KANK1: variants seen among roughly 807,000 people sequenced by gnomAD.
The protein encoded by KANK1 is KN motif and ankyrin repeat domains 1, also known as KN motif and ankyrin repeat domain-containing protein 1.
Under a neutral mutation model 106.2 loss-of-function variants are expected in KANK1, and 109 were observed. The observed-to-expected ratio is 1.03, with a 90% CI of 0.88 to 1.20. The LOEUF (loss-of-function observed/expected upper bound fraction) is 1.20. Among genes scored for constraint, KANK1 ranks in the 50% most tolerant of loss-of-function variants. The pLI is 0.00. For synonymous variants in KANK1, 873 were observed against 652.2 expected (o/e 1.34, Z -5.16); for missense variants, 2,399 against 1,710.7 (o/e 1.40, Z -7.10).
intron 1 of KANK1, among the ~76,000 whole-genome samples, chr9:573,660 A>C (rs990459921): frequency 2.6e-5 from 4 of 152,094 alleles, no homozygotes; most frequent in African/African-American, 9.7e-5. Flanking sequence ...AGTCGCGGGC[A>C]TTTTATTTTT....
intron 1 of KANK1, among the ~76,000 whole-genome samples, chr9:580,988 C>T (rs993663825): frequency 2.0e-5 from 3 of 152,038 alleles, no homozygotes; most frequent in South Asian, 2.1e-4. Context: ...GGGAACCCAG[C>T]GCACCCTCCG....
At chr9:608,670 C>G (rs917441818) in intron 1 of KANK1, among the ~76,000 whole-genome samples, 2 of 152,126 alleles carry the variant, frequency 1.3e-5, no homozygotes, top group Admixed American at 6.5e-5. Flanking sequence ...TTCATCAAGT[C>G]AGGGAGATAA....
chr9:711,614 C>G lies in KANK1; in HGVS notation c.848C>G (p.Thr283Ser). Residue 283 changes from threonine (T) to serine (S), a missense_variant, in exon 3 of 12, where the codon ACC becomes AGC. Coordinates refer to ENST00000382297, the MANE Select transcript of KANK1 (RefSeq NM_015158.5). ...AAGGAGCTGGAGGAGCAGGTGCGAA[C>G]CATCCCTGTGCTCCAGGTAAAGATC... Reference protein sequence around the residue: ...RLKELEEQVRTIPVLQVKISV... With the variant: ...RLKELEEQVRSIPVLQVKISV... 1 of 1,614,040 alleles carries G rather than the reference C, an allele frequency of 6.2e-7. No homozygotes were observed. Among genetic ancestry groups the G allele is most frequent in the Non-Finnish European group, 8.5e-7 (1 of 1,179,996 alleles).
At chr9:573,364 G>C (rs1403046172) in intron 1 of KANK1, among the ~76,000 whole-genome samples, 1 of 152,088 alleles carries the variant, frequency 6.6e-6, no homozygotes, top group Non-Finnish European at 1.5e-5. Context: ...CCACCTCCTG[G>C]GTTCACGCCA....
intron 2 of KANK1, among the ~76,000 whole-genome samples, chr9:701,556 A>T (rs564330157): frequency 2.0e-4 from 31 of 152,178 alleles, no homozygotes; most frequent in Admixed American, 9.8e-4. Flanking sequence ...TGTCTTGTGC[A>T]TGGCAAAATG....
intron 10 of KANK1, among the ~76,000 whole-genome samples, chr9:743,342 A>C (rs1333113092): frequency 6.6e-6 from 1 of 152,212 alleles, no homozygotes; most frequent in African/African-American, 2.4e-5. Flanking sequence ...AGCCATCTCC[A>C]CAGGAGCACA....
chr9:553,766 T>G (rs1264815036), intron 1 of KANK1, among the ~76,000 whole-genome samples: 1 of 152,214 alleles, frequency 6.6e-6, no homozygotes, highest in Admixed American at 6.5e-5. Context: ...CTATACGAAT[T>G]TACTTTTATA....
chr9:727,992 C>G (rs1307439449), intron 3 of KANK1, among the ~76,000 whole-genome samples: 1 of 152,022 alleles, frequency 6.6e-6, no homozygotes, highest in Admixed American at 6.6e-5. Context: ...ATACCCTCCT[C>G]CCTTTGGAAT....
At chr9:738,251 T>A (rs1564123746) in intron 7 of KANK1, 34 bp from the exon 8 acceptor site, 1 of 1,561,836 alleles carries the variant, frequency 6.4e-7, no homozygotes, top group South Asian at 1.2e-5. Context: ...AGTCTATAAA[T>A]AGAAGAACTA....
chr9:481,073 G>T (rs1452831189), intron 3 of KANK1, among the ~76,000 whole-genome samples: 1 of 152,044 alleles, frequency 6.6e-6, no homozygotes, highest in Non-Finnish European at 1.5e-5. Flanking sequence ...GCCTACAATT[G>T]GGCTACATCA....
intron 2 of KANK1, among the ~76,000 whole-genome samples, chr9:701,336 T>A (rs1822609464): frequency 6.6e-6 from 1 of 152,174 alleles, no homozygotes; most frequent in Non-Finnish European, 1.5e-5. Context: ...ACTCCCCACC[T>A]CAGGTGATCC....
chr9:722,481 C>G (rs1829611473), intron 3 of KANK1, among the ~76,000 whole-genome samples: 1 of 151,196 alleles, frequency 6.6e-6, no homozygotes, highest in African/African-American at 2.5e-5. Flanking sequence ...GTTTGTTGGC[C>G]TCTTTGTTCT....
At chr9:668,921 A>C (rs73370855) in intron 1 of KANK1, among the ~76,000 whole-genome samples, 1 of 152,074 alleles carries the variant, frequency 6.6e-6, no homozygotes, top group Non-Finnish European at 1.5e-5. Flanking sequence ...CACTCTTATG[A>C]GAATCTATGC....
intron 2 of KANK1, among the ~76,000 whole-genome samples, chr9:709,480 C>G (rs776532754): frequency 4.6e-5 from 7 of 152,142 alleles, no homozygotes; most frequent in Non-Finnish European, 1.0e-4. Flanking sequence ...TGTCTGTCTG[C>G]TACTGACTTT....
At chr9:650,375 C>G (rs1415069966) in intron 1 of KANK1, among the ~76,000 whole-genome samples, 2 of 152,164 alleles carry the variant, frequency 1.3e-5, no homozygotes, top group Non-Finnish European at 2.9e-5. Context: ...CTCTTTTACT[C>G]TCCAGCAAGG....
intron 3 of KANK1, among the ~76,000 whole-genome samples, chr9:722,360 T>G (rs1384384109): frequency 6.6e-6 from 1 of 152,166 alleles, no homozygotes; most frequent in Non-Finnish European, 1.5e-5. Context: ...TCTCTTGCTC[T>G]CTCTCTCTCA....
intron 1 of KANK1, among the ~76,000 whole-genome samples, chr9:603,327 T>G (rs1184005815): frequency 1.3e-5 from 2 of 151,910 alleles, no homozygotes; most frequent in Admixed American, 1.3e-4. Context: ...CTGGCTGACT[T>G]TGACCCTGAA....
chr9:616,145 C>G (rs377670223), intron 1 of KANK1, among the ~76,000 whole-genome samples: 12 of 152,270 alleles, frequency 7.9e-5, no homozygotes, highest in East Asian at 7.7e-4. Flanking sequence ...TTTCAATCAA[C>G]AAGATGAAAT....
chr9:660,899 A>G (rs1300424449), intron 1 of KANK1, among the ~76,000 whole-genome samples: 1 of 152,198 alleles, frequency 6.6e-6, no homozygotes, highest in East Asian at 1.9e-4. Flanking sequence ...TTGACCAGAC[A>G]TGCCCTAGCT....
Sources: gnomAD v4.1 joint callset for allele counts (sites outside exome capture counted in the v4.1 genomes callset) on GRCh38, gnomAD v4.1.1 for gene constraint, MANE v1.5 for transcripts, NCBI Gene and HGNC (gene_info 2026-07-23, HGNC 2026-07-21) for gene names.